Variants in FER observed in about 807,000 individuals in gnomAD.
FER encodes FER tyrosine kinase, also known as tyrosine-protein kinase Fer.
FER carries 63 observed loss-of-function variants against 111.0 expected under a neutral mutation model. That is an observed-to-expected ratio of 0.57 (90% CI 0.46 to 0.70). The LOEUF (loss-of-function observed/expected upper bound fraction) is 0.70, where lower values mean the gene tolerates loss of function less well. Among genes scored for constraint, FER ranks in the 30% least tolerant of loss-of-function variants. The probability of loss-of-function intolerance (pLI) is 0.00; values close to 1 mark genes in which losing one functional copy is unlikely to be tolerated. For synonymous variants in FER, 327 were observed against 313.9 expected, an observed-to-expected ratio of 1.04 and a Z score of -0.44; for missense variants, 914 against 954.0, an observed-to-expected ratio of 0.96 and a Z score of 0.55.
intron 17 of FER, among the ~76,000 whole-genome samples, chr5:109,119,430 T>A (rs1287659975): frequency 6.6e-6 from 1 of 152,220 alleles, no homozygotes; most frequent in Non-Finnish European, 1.5e-5. Flanking sequence ...TACTTCCAAC[T>A]ATGTGGTCAA....
intron 3 of FER, among the ~76,000 whole-genome samples, chr5:108,818,691 T>G (rs1758526821): frequency 1.3e-5 from 2 of 152,190 alleles, no homozygotes; most frequent in Admixed American, 6.5e-5. Context: ...GATGATAATT[T>G]TATTTAATTG....
At chr5:108,936,209 C>G (rs1340081723) in intron 10 of FER, among the ~76,000 whole-genome samples, 1 of 151,902 alleles carries the variant, frequency 6.6e-6, no homozygotes, top group South Asian at 2.1e-4. Context: ...TTCAAATTCT[C>G]AATATTTAAA....
chr5:109,109,625 T>G (rs1749357243), intron 17 of FER, among the ~76,000 whole-genome samples: 1 of 152,094 alleles, frequency 6.6e-6, no homozygotes, highest in South Asian at 2.1e-4. Flanking sequence ...ATCTGAAGGC[T>G]TTCCACTCCC....
intron 13 of FER, among the ~76,000 whole-genome samples, chr5:108,982,746 AAGATTATTTCTTC>A (rs1429545259): frequency 6.6e-6 from 1 of 152,118 alleles, no homozygotes; most frequent in Non-Finnish European, 1.5e-5. Flanking sequence ...AGCTACTATG[AAGATTATTTCTTC>A]AGAAATATGT....
chr5:108,922,648 G>A (rs768368341), intron 10 of FER, among the ~76,000 whole-genome samples: 11 of 151,614 alleles, frequency 7.3e-5, no homozygotes, highest in East Asian at 5.8e-4. Flanking sequence ...AACCAATCAG[G>A]GAATAAAATA....
chr5:108,748,490 G>C (rs1279587950), intron 1 of FER: 1 of 152,324 alleles, frequency 6.6e-6, no homozygotes, highest in Non-Finnish European at 1.5e-5. Flanking sequence ...GGCCAGGCGA[G>C]CCTCCCAAAG....
intron 13 of FER, among the ~76,000 whole-genome samples, chr5:109,033,329 A>C (rs1769909285): frequency 6.6e-6 from 1 of 152,180 alleles, no homozygotes. Context: ...CTTTAGGAGA[A>C]ACCAGCTCTG....
intron 16 of FER, among the ~76,000 whole-genome samples, chr5:109,081,119 C>G (rs974282341): frequency 2.6e-5 from 4 of 151,958 alleles, no homozygotes; most frequent in Non-Finnish European, 2.9e-5. Flanking sequence ...TTTATGTAAT[C>G]AATGAAATCC....
chr5:109,068,901 A>C (rs2149988433), intron 16 of FER, among the ~76,000 whole-genome samples: 1 of 152,318 alleles, frequency 6.6e-6, no homozygotes, highest in East Asian at 1.9e-4. Context: ...GTAATGCCTA[A>C]ATATTTCAGA....
At chr5:108,883,330 CTT>C in intron 8 of FER, 64 bp from the exon 9 acceptor site, 1 of 1,434,230 alleles carries the variant, frequency 7.0e-7, no homozygotes, top group Non-Finnish European at 9.3e-7. Flanking sequence ...TGTATGAATA[CTT>C]TTTTGATATG....
At chr5:108,993,020 T>G (rs1763456981) in intron 13 of FER, among the ~76,000 whole-genome samples, 1 of 140,098 alleles carries the variant, frequency 7.1e-6, no homozygotes, top group Admixed American at 7.0e-5. Flanking sequence ...CTAGATGGGA[T>G]GGCGGCCGGG....
intron 16 of FER, among the ~76,000 whole-genome samples, chr5:109,100,044 C>T (rs1050221267): frequency 2.6e-5 from 4 of 151,516 alleles, no homozygotes; most frequent in Admixed American, 6.6e-5. Flanking sequence ...ATATAGTTTT[C>T]ATGTGGTATT....
intron 17 of FER, among the ~76,000 whole-genome samples, chr5:109,153,581 A>G (rs1421640996): frequency 2.0e-5 from 3 of 152,040 alleles, no homozygotes; most frequent in Non-Finnish European, 1.5e-5. Context: ...ATCACTTCTT[A>G]ATACTAACTC....
intron 16 of FER, among the ~76,000 whole-genome samples, chr5:109,062,109 A>G (rs1774492888): frequency 6.6e-6 from 1 of 152,134 alleles, no homozygotes; most frequent in Non-Finnish European, 1.5e-5. Flanking sequence ...GCAATGGGTA[A>G]TATGAAAAAA....
At chr5:108,852,075 G>A (rs182912497) in intron 5 of FER, among the ~76,000 whole-genome samples, 5 of 152,288 alleles carry the variant, frequency 3.3e-5, no homozygotes, top group East Asian at 1.9e-4. Flanking sequence ...AGAATGCTAA[G>A]GGATGGGTAA....
At chr5:108,755,694 C>G (rs997920212) in intron 1 of FER, among the ~76,000 whole-genome samples, 1 of 151,600 alleles carries the variant, frequency 6.6e-6, no homozygotes, top group East Asian at 2.0e-4. Flanking sequence ...CCATGTTAGT[C>G]AGGCTTGTCA....
intron 3 of FER, among the ~76,000 whole-genome samples, chr5:108,828,483 G>A (rs1759704837): frequency 6.6e-6 from 1 of 151,986 alleles, no homozygotes; most frequent in African/African-American, 2.4e-5. Context: ...GTCTAGTCTA[G>A]TAAAATTAAA....
intron 13 of FER, among the ~76,000 whole-genome samples, chr5:109,004,938 T>A (rs978382480): frequency 6.6e-6 from 1 of 152,128 alleles, no homozygotes; most frequent in East Asian, 1.9e-4. Context: ...TTTGTTTTGT[T>A]TTTTAATAAA....
chr5:108,992,505 C>T (rs1763340522), intron 13 of FER, among the ~76,000 whole-genome samples: 1 of 147,006 alleles, frequency 6.8e-6, no homozygotes, highest in Non-Finnish European at 1.5e-5. Context: ...GGGCGGGGGG[C>T]TGACCCCCCA....
Sources: allele counts gnomAD v4.1 joint callset (sites outside exome capture counted in the v4.1 genomes callset), GRCh38; gene constraint gnomAD v4.1.1; transcripts MANE v1.5; gene names NCBI Gene and HGNC (gene_info 2026-07-23, HGNC 2026-07-21).